PFDN1: variants seen among roughly 807,000 people sequenced by gnomAD.
PFDN1 encodes the protein prefoldin subunit 1.
PFDN1 carries 6 observed loss-of-function variants against 17.3 expected under a neutral mutation model. That is an observed-to-expected ratio of 0.35 (90% CI 0.19 to 0.69). PFDN1 has a LOEUF of 0.69. Among genes scored for constraint, PFDN1 ranks in the 30% least tolerant of loss-of-function variants. The pLI is 0.65. For synonymous variants in PFDN1, 58 were observed against 50.1 expected, an observed-to-expected ratio of 1.16 and a Z score of -0.67; for missense variants, 113 against 146.2, an observed-to-expected ratio of 0.77 and a Z score of 1.17.
chr5:140,279,742 T>G (rs1054679162), intron 3 of PFDN1, among the ~76,000 whole-genome samples: 1 of 151,666 alleles, frequency 6.6e-6, no homozygotes, highest in Non-Finnish European at 1.5e-5. Context: ...TGGCCTATGA[T>G]TCCCAGCACT....
chr5:140,302,780 G>A (rs1473701596), intron 1 of PFDN1, among the ~76,000 whole-genome samples: 1 of 152,030 alleles, frequency 6.6e-6, no homozygotes, highest in Admixed American at 6.6e-5. Context: ...AATGTCTCTG[G>A]AGCTCAGAAA....
chr5:140,252,438 T>C (rs761536491), intron 3 of PFDN1, among the ~76,000 whole-genome samples: 15 of 152,124 alleles, frequency 9.9e-5, no homozygotes, highest in Non-Finnish European at 1.6e-4. Context: ...GTGACCTGCC[T>C]TGGTCACATA....
chr5:140,296,277 GA>G (rs1326310699), intron 2 of PFDN1, among the ~76,000 whole-genome samples: 2 of 151,948 alleles, frequency 1.3e-5, no homozygotes, highest in Non-Finnish European at 2.9e-5. Flanking sequence ...TTTTAGGCCA[GA>G]AAAAAGAATC....
At chr5:140,264,992 G>A (rs559053763) in intron 3 of PFDN1, among the ~76,000 whole-genome samples, 13 of 152,152 alleles carry the variant, frequency 8.5e-5, no homozygotes, top group Non-Finnish European at 1.6e-4. Flanking sequence ...TTCAAAACTC[G>A]CAGGCATCTT....
intron 3 of PFDN1, among the ~76,000 whole-genome samples, chr5:140,252,741 G>A (rs1333315744): frequency 6.6e-6 from 1 of 152,148 alleles, no homozygotes; most frequent in Admixed American, 6.5e-5. Context: ...GTAGAAGGCA[G>A]GGGAAACAAG....
intron 3 of PFDN1, 181 bp downstream of exon 3, chr5:140,281,267 TG>T: frequency 2.2e-6 from 1 of 458,908 alleles, no homozygotes; most frequent in Middle Eastern, 6.0e-4. Flanking sequence ...CTTTTTTTTT[TG>T]TTTTGGTCTT....
At chr5:140,300,008 G>A (rs1180269689) in intron 2 of PFDN1, among the ~76,000 whole-genome samples, 5 of 151,808 alleles carry the variant, frequency 3.3e-5, no homozygotes, top group Non-Finnish European at 7.4e-5. Context: ...CGAAAACTCC[G>A]TCTCAAAAAG....
At chr5:140,258,441 A>T (rs1270985512) in intron 3 of PFDN1, among the ~76,000 whole-genome samples, 3 of 35,426 alleles carry the variant, frequency 8.5e-5, no homozygotes, top group Admixed American at 3.1e-4. Context: ...CTGTACTGTT[A>T]AAAAAAAAAA....
At chr5:140,299,122 T>G (rs973234586) in intron 2 of PFDN1, among the ~76,000 whole-genome samples, 3 of 152,208 alleles carry the variant, frequency 2.0e-5, no homozygotes, top group Non-Finnish European at 4.4e-5. Flanking sequence ...ATCTGAAAGA[T>G]TTATGATTTG....
intron 2 of PFDN1, among the ~76,000 whole-genome samples, chr5:140,298,679 A>G (rs1765688646): frequency 6.6e-6 from 1 of 152,242 alleles, no homozygotes. Flanking sequence ...CAAAAGTAAA[A>G]TAATTTACTA....
At chr5:140,274,462 C>T (rs1765259483) in intron 3 of PFDN1, among the ~76,000 whole-genome samples, 1 of 151,974 alleles carries the variant, frequency 6.6e-6, no homozygotes, top group African/African-American at 2.4e-5. Context: ...TAGAAAATTT[C>T]CTCAAAAAAT....
At chr5:140,267,477 G>A (rs1290238362) in intron 3 of PFDN1, among the ~76,000 whole-genome samples, 2 of 152,174 alleles carry the variant, frequency 1.3e-5, no homozygotes, top group African/African-American at 4.8e-5. Flanking sequence ...AGGGAATGTG[G>A]GTACCTGAGC....
rs139146633 is a variant in PFDN1 at position 140,287,302 on chromosome 5, A to G, written c.201-5769T>C. Among the ~76,000 whole-genome samples the G allele has an allele frequency of 7.2e-4, 110 of 152,394 alleles. No individual in the cohort carries two copies. The Middle Eastern group carries it at 0.02, about 28-fold the overall frequency. ...ACCCTGTGGTATCGAAGAGTCGGAG[A>G]TATCAGTATAAACTCACAATCAGCT... is the stretch of plus-strand genomic sequence containing the variant. On this transcript the variant is annotated intron_variant, in intron 2 of 3. Coordinates refer to ENST00000261813, the MANE Select transcript of PFDN1 (RefSeq NM_002622.5).
chr5:140,279,032 T>C lies in PFDN1; in HGVS notation c.285+2417A>G, dbSNP rs917537865. On this transcript the variant is annotated intron_variant, in intron 3 of 3. Transcript: ENST00000261813. Reference sequence around the variant, plus strand: ...TGATGATGGGAATCAAAAAAAGAAATTGTATATAAACTGGAGTTATATTAC... The same window carrying C: ...TGATGATGGGAATCAAAAAAAGAAACTGTATATAAACTGGAGTTATATTAC... Among the ~76,000 whole-genome samples the C allele has an allele frequency of 5.3e-5, 8 of 151,834 alleles. No individual in the cohort carries two copies. In the East Asian group the frequency reaches 9.6e-4, roughly 18 times the overall value.
rs1446032721 is a variant in PFDN1, at chr5:140,254,757, C to T, written c.286-8700G>A. Reference sequence around the variant, plus strand: ...TCTTCCAGGTCACTTCTGATACTCTCGCTCCAGCATTTCTTCAACCTCGTC... The same window carrying T: ...TCTTCCAGGTCACTTCTGATACTCTTGCTCCAGCATTTCTTCAACCTCGTC... On this transcript the variant is annotated intron_variant, in intron 3 of 3. Transcript: ENST00000261813. This position sits in a 1 kb window ranked among gnomAD's most constrained non-coding sequence, Gnocchi z 4.4. 1.3e-5 allele frequency among the ~76,000 whole-genome samples: 2 copies of T among 152,242 alleles called. No homozygotes were observed. The highest frequency in any genetic ancestry group is 4.1e-4 in the South Asian group (2 of 4,834).
At chr5:140,300,012 C>T (rs559405387) in intron 2 of PFDN1, among the ~76,000 whole-genome samples, 1 of 151,850 alleles carries the variant, frequency 6.6e-6, no homozygotes, top group Non-Finnish European at 1.5e-5. Flanking sequence ...AACTCCGTCT[C>T]AAAAAGAAAA....
intron 3 of PFDN1, among the ~76,000 whole-genome samples, chr5:140,247,328 T>C (rs1561489929): frequency 1.3e-5 from 2 of 151,914 alleles, no homozygotes; most frequent in African/African-American, 2.4e-5. Context: ...AAACTTCAAT[T>C]TTTTATTTTT....
intron 3 of PFDN1, among the ~76,000 whole-genome samples, chr5:140,248,668 A>G (rs1348789661): frequency 1.3e-5 from 2 of 152,222 alleles, no homozygotes; most frequent in East Asian, 3.8e-4. Context: ...AACATCAGCA[A>G]GAGCTCTTCT....
rs1764817272 is a variant in PFDN1 at position 140,245,599 on chromosome 5, TTCCATCCCTCTGC to T, written c.*362_*374del. ...CGGCCACTGCCTCTCTCACCCTCTGTTCCATCCCTCTGCTCAAGAAAACCAGGCTTAGCAGAGT... is the reference window on the plus strand; with the variant it reads ...CGGCCACTGCCTCTCTCACCCTCTGTTCAAGAAAACCAGGCTTAGCAGAGT... On this transcript the variant is annotated 3_prime_UTR_variant, in exon 4 of 4. Transcript: ENST00000261813. The T allele has an allele frequency of 1.4e-6, 1 of 701,900 alleles. No individual in the cohort carries two copies. The highest frequency in any genetic ancestry group is 2.6e-6 in the Non-Finnish European group (1 of 384,874). The allele number at this position is 701,900 out of a possible 1,614,324, so 43.5% of individuals were successfully genotyped here. A position where few individuals can be genotyped will look rare whatever the true frequency, so the allele number is the denominator to read the frequency against.
Sources: gnomAD v4.1 joint callset for allele counts (sites outside exome capture counted in the v4.1 genomes callset) on GRCh38, gnomAD v4.1.1 for gene constraint, Gnocchi (gnomAD v3.1) non-coding constraint, MANE v1.5 for transcripts, NCBI Gene and HGNC (gene_info 2026-07-23, HGNC 2026-07-21) for gene names.